The following SNX8 variants were observed in gnomAD, a reference collection of about 807,000 sequenced individuals.
The protein encoded by SNX8 is sorting nexin 8.
A neutral mutation model predicts 51.6 loss-of-function variants in SNX8; 25 were observed. That is an observed-to-expected ratio of 0.48 (90% CI 0.35 to 0.68). The LOEUF (loss-of-function observed/expected upper bound fraction) is 0.68. Among genes scored for constraint, SNX8 ranks in the 30% least tolerant of loss-of-function variants. SNX8 has a pLI of 0.00. For synonymous variants in SNX8, 324 were observed against 277.0 expected (o/e 1.17, Z -1.68); for missense variants, 695 against 624.0 (o/e 1.11, Z -1.21).
At chr7:2,344,454 A>C (rs1489459284) in intron 1 of SNX8, among the ~76,000 whole-genome samples, 1 of 150,790 alleles carries the variant, frequency 6.6e-6, no homozygotes, top group Non-Finnish European at 1.5e-5. Context: ...TACTAAAAAT[A>C]CAAAAAAATT....
intron 1 of SNX8, among the ~76,000 whole-genome samples, chr7:2,281,845 A>T (rs1301086356): frequency 6.6e-6 from 1 of 152,088 alleles, no homozygotes; most frequent in Non-Finnish European, 1.5e-5. Context: ...GGGTGTAAGG[A>T]TGCCCTCACC....
rs1307723796 is a variant in SNX8 at position 2,267,795 on chromosome 7, C to T, written c.621+1764G>A. The stretch of plus-strand genomic sequence containing the variant: ...CCCATCGTCTGGGATGTGAGGAGCC[C>T]CTCTGCCTGGCTGCCCAGTCTGGAA... On this transcript the variant is annotated intron_variant, in intron 5 of 10. Coordinates refer to ENST00000222990, the MANE Select transcript of SNX8 (RefSeq NM_013321.4). 3.1e-4 allele frequency among the ~76,000 whole-genome samples: 39 copies of T among 123,990 alleles called. No individual in the cohort carries two copies. In the South Asian group the frequency reaches 7.6e-3, roughly 24 times the overall value. 81.3% of individuals were successfully genotyped at this position (123,990 alleles called of 152,430 possible).
intron 7 of SNX8, among the ~76,000 whole-genome samples, chr7:2,259,562 A>AAGATACCCC (rs1562421582): frequency 6.6e-6 from 1 of 152,126 alleles, no homozygotes; most frequent in East Asian, 1.9e-4. Context: ...AGGGGACCCT[A>AAGATACCCC]AGATACCCCT....
rs572696348 is a variant in SNX8 at position 2,331,516 on chromosome 7, T to C, written c.-66+22706A>G. On this transcript the variant is annotated intron_variant, in intron 1 of 5. Coordinates refer to the SNX8 transcript ENST00000435336. ...GTCAGGAGATCAAGACCATCCTGGC[T>C]AACACGGTGAAACCCCGTCTCCACT... Among the ~76,000 whole-genome samples, 21 of 151,448 alleles carry C rather than the reference T, an allele frequency of 1.4e-4. No homozygotes were observed. The South Asian group carries it at 4.4e-3, about 32-fold the overall frequency.
intron 1 of SNX8, among the ~76,000 whole-genome samples, chr7:2,351,713 C>G (rs1583133018): frequency 1.3e-5 from 2 of 151,334 alleles, no homozygotes; most frequent in Non-Finnish European, 2.9e-5. Context: ...CGCCTGTAGT[C>G]CCAGCTACTC....
chr7:2,346,868 C>T (rs189323100), intron 1 of SNX8, among the ~76,000 whole-genome samples: 1 of 140,110 alleles, frequency 7.1e-6, no homozygotes, highest in Admixed American at 7.8e-5. Context: ...TGCAGTGAGC[C>T]GAGATCACAC....
In SNX8 at chr7:2,277,199, G is replaced by A. The variant is rs187781561; in HGVS notation, c.300+901C>T. On this transcript the variant is annotated intron_variant, in intron 2 of 10. Coordinates refer to ENST00000222990, the MANE Select transcript of SNX8 (RefSeq NM_013321.4). ...ATGAAAACTCCCATCAGAATCTGTC[G>A]TAATGGAACTGAGACAACGAAGCAA... Among the ~76,000 whole-genome samples, 11 of 152,290 alleles carry A rather than the reference G, an allele frequency of 7.2e-5. No homozygotes were observed. In the East Asian group the frequency reaches 1.2e-3, roughly 16 times the overall value.
intron 3 of SNX8, among the ~76,000 whole-genome samples, chr7:2,272,632 T>C (rs1024749621): frequency 6.6e-6 from 1 of 152,040 alleles, no homozygotes; most frequent in Non-Finnish European, 1.5e-5. Flanking sequence ...TGCCTCGGCC[T>C]CCCAAAGTGC....
At chr7:2,310,873 G>A (rs1584731162) in intron 1 of SNX8, among the ~76,000 whole-genome samples, 1 of 152,188 alleles carries the variant, frequency 6.6e-6, no homozygotes, top group Admixed American at 6.6e-5. Context: ...TATGTTTCCT[G>A]AGTACATATA....
At chr7:2,344,529 G>C (rs537519855) in intron 1 of SNX8, among the ~76,000 whole-genome samples, 3 of 150,922 alleles carry the variant, frequency 2.0e-5, no homozygotes, top group South Asian at 4.2e-4. Context: ...GGAGAATCTT[G>C]TGAACCTGGG....
At chr7:2,316,064 C>T (rs1796750720), upstream of SNX8, among the ~76,000 whole-genome samples, 1 of 151,420 alleles carries the variant, frequency 6.6e-6, no homozygotes, top group African/African-American at 2.4e-5. Flanking sequence ...TTCATCTACC[C>T]ACCCACTCAC....
chr7:2,277,272 G>A (rs1457131876), intron 2 of SNX8, among the ~76,000 whole-genome samples: 3 of 152,194 alleles, frequency 2.0e-5, no homozygotes, highest in East Asian at 1.9e-4. Context: ...TCAGGCACTC[G>A]GTGTCTGTGT....
upstream of SNX8, chr7:2,314,462 G>T (rs1355746043): frequency 7.5e-6 from 9 of 1,196,838 alleles, no homozygotes; most frequent in African/African-American, 6.4e-5. Flanking sequence ...CGCGCCACCC[G>T]GCCGCGCAGC....
chr7:2,270,277 G>C (rs1375733047), intron 4 of SNX8, among the ~76,000 whole-genome samples: 1 of 117,292 alleles, frequency 8.5e-6, no homozygotes, highest in Non-Finnish European at 1.6e-5. Context: ...AGGTTTCAGA[G>C]ATGCCTTAAA....
upstream of SNX8, among the ~76,000 whole-genome samples, chr7:2,315,642 TCACG>T (rs1415791676): frequency 6.6e-6 from 1 of 150,540 alleles, no homozygotes; most frequent in Non-Finnish European, 1.5e-5. Context: ...ATTCACCCAC[TCACG>T]CACTGCATCC....
intron 5 of SNX8, among the ~76,000 whole-genome samples, chr7:2,268,394 C>A (rs1480165282): frequency 7.0e-6 from 1 of 142,298 alleles, no homozygotes; most frequent in African/African-American, 2.6e-5. Context: ...GCAGCCACCC[C>A]ATCTGGGAAG....
Position 2,252,410 on chromosome 7 carries a change from A to T in SNX8, c.*2646T>A, listed in dbSNP as rs1795057961. ...GCCCGGGCAGCACAGGGCCAGGGCC[A>T]AGAAGTATTTGTGAGAAGGAAGGTG... On this transcript the variant is annotated 3_prime_UTR_variant, in exon 11 of 11. Transcript: ENST00000222990. The T allele has an allele frequency of 1.3e-5, 2 of 152,440 alleles. No individual in the cohort carries two copies. Among genetic ancestry groups the T allele is most frequent in the South Asian group, 4.1e-4 (2 of 4,852 alleles). 9.4% of individuals were successfully genotyped at this position (152,440 alleles called of 1,614,324 possible). A position where few individuals can be genotyped will look rare whatever the true frequency, so the allele number is the denominator to read the frequency against.
intron 7 of SNX8, among the ~76,000 whole-genome samples, 186 bp from the exon 8 acceptor site, chr7:2,257,989 C>A (rs971522791): frequency 6.6e-6 from 1 of 151,772 alleles, no homozygotes; most frequent in Non-Finnish European, 1.5e-5. Flanking sequence ...CAGGCGGACA[C>A]GCCTTCGAGC....
At chr7:2,340,202 A>G (rs994090307) in intron 1 of SNX8, among the ~76,000 whole-genome samples, 7 of 151,740 alleles carry the variant, frequency 4.6e-5, no homozygotes, top group African/African-American at 1.7e-4. Context: ...AGCTGGGATT[A>G]CAGGCATGCG....
Sources: allele counts gnomAD v4.1 joint callset (sites outside exome capture counted in the v4.1 genomes callset), GRCh38; gene constraint gnomAD v4.1.1; transcripts MANE v1.5; gene names NCBI Gene and HGNC (gene_info 2026-07-23, HGNC 2026-07-21).